The following KCTD8 variants were observed in gnomAD, a reference collection of about 807,000 sequenced individuals.
KCTD8 encodes the protein BTB/POZ domain-containing protein KCTD8.
Under a neutral mutation model 31.5 loss-of-function variants are expected in KCTD8, and 27 were observed. The ratio of observed to expected loss-of-function variants is 0.86; its 90% CI spans 0.63 to 1.18. KCTD8 has a LOEUF of 1.18. KCTD8 is among the 50% of genes most tolerant of loss of function. KCTD8 has a pLI of 0.00. For synonymous variants in KCTD8, 290 were observed against 280.0 expected (o/e 1.04, Z -0.36); for missense variants, 658 against 647.7 (o/e 1.02, Z -0.17).
Position 44,447,738 on chromosome 4 carries a change from C to T in KCTD8, c.786G>A (p.Pro262=), listed in dbSNP as rs1405428652. ...GGTAGAAGCGGGACGTGTACTTCTC[C>T]GGCTGCCGGTCGGGGTCGCGGCTCT... ...LNESRDPDRQ[P]EKYTSRFYLK... is the part of the protein sequence containing the mutation. Residue 262 remains proline, a synonymous_variant, in exon 1 of 2, where the codon CCG becomes CCA. Transcript: ENST00000360029. The T allele has an allele frequency of 2.5e-6, 4 of 1,611,606 alleles. No individual in the cohort carries two copies. The highest frequency in any genetic ancestry group is 1.3e-5 in the African/African-American group (1 of 74,886).
intron 1 of KCTD8, among the ~76,000 whole-genome samples, chr4:44,259,049 C>T (rs1051424858): frequency 1.3e-4 from 19 of 151,862 alleles, no homozygotes; most frequent in Non-Finnish European, 2.8e-4. Context: ...ATAATTTCCA[C>T]AATTAATTAA....
chr4:44,376,399 C>G (rs1032570146), intron 1 of KCTD8, among the ~76,000 whole-genome samples: 2 of 152,140 alleles, frequency 1.3e-5, no homozygotes, highest in African/African-American at 4.8e-5. Context: ...GGGCCACCAC[C>G]CCTACTTCAG....
intron 1 of KCTD8, among the ~76,000 whole-genome samples, chr4:44,200,014 G>C (rs552344804): frequency 1.3e-5 from 2 of 151,630 alleles, no homozygotes; most frequent in African/African-American, 4.8e-5. Flanking sequence ...TCCTGAAAGG[G>C]TACTGTAAAC....
chr4:44,232,621 A>ATTGT (rs1715155918), intron 1 of KCTD8, among the ~76,000 whole-genome samples: 1 of 152,208 alleles, frequency 6.6e-6, no homozygotes, highest in Admixed American at 6.5e-5. Context: ...TAGAAGAATC[A>ATTGT]ACTTTGCATT....
At chr4:44,309,979 C>T (rs1190303338) in intron 1 of KCTD8, among the ~76,000 whole-genome samples, 1 of 151,944 alleles carries the variant, frequency 6.6e-6, no homozygotes, top group African/African-American at 2.4e-5. Context: ...ATATCATTTT[C>T]AAATACCTAA....
chr4:44,388,912 ACATAT>A (rs200728415), intron 1 of KCTD8, among the ~76,000 whole-genome samples: 8,855 of 151,926 alleles, frequency 0.058, 853 homozygotes, highest in African/African-American at 0.2. Context: ...ATAATGTGGT[ACATAT>A]ATACAATGGA....
intron 1 of KCTD8, among the ~76,000 whole-genome samples, chr4:44,267,954 C>T (rs1041393375): frequency 7.2e-5 from 11 of 152,060 alleles, no homozygotes; most frequent in Admixed American, 1.3e-4. Flanking sequence ...AGCAGAATTC[C>T]ACCAGAGGTA....
intron 1 of KCTD8, among the ~76,000 whole-genome samples, chr4:44,256,052 C>CTTG (rs1196023469): frequency 6.6e-6 from 1 of 151,812 alleles, no homozygotes; most frequent in Non-Finnish European, 1.5e-5. Context: ...AGCAAAGGCG[C>CTTG]TTGTTACATG....
chr4:44,302,656 G>A (rs1324802632), intron 1 of KCTD8, among the ~76,000 whole-genome samples: 8 of 151,698 alleles, frequency 5.3e-5, no homozygotes, highest in East Asian at 1.9e-4. Context: ...CAATCATGTC[G>A]TCTGCAAACA....
intron 1 of KCTD8, among the ~76,000 whole-genome samples, chr4:44,372,464 G>A (rs767389413): frequency 9.9e-5 from 15 of 152,150 alleles, no homozygotes; most frequent in South Asian, 2.1e-4. Context: ...AAGGATCAAG[G>A]CAGCCTTATA....
chr4:44,444,335 C>A (rs1721887167), intron 1 of KCTD8, among the ~76,000 whole-genome samples: 1 of 152,152 alleles, frequency 6.6e-6, no homozygotes, highest in Non-Finnish European at 1.5e-5. Flanking sequence ...CCTTTGGTGA[C>A]TTGGCCTGAA....
At chr4:44,202,688 C>G (rs1714186323) in intron 1 of KCTD8, among the ~76,000 whole-genome samples, 1 of 152,098 alleles carries the variant, frequency 6.6e-6, no homozygotes, top group South Asian at 2.1e-4. Context: ...TGCTCACTAT[C>G]TGGGTGATAG....
At chr4:44,388,860 T>C (rs189369820) in intron 1 of KCTD8, among the ~76,000 whole-genome samples, 2 of 151,088 alleles carry the variant, frequency 1.3e-5, no homozygotes, top group African/African-American at 4.9e-5. Context: ...AAAATAAGAG[T>C]AAAAATAAAT....
intron 1 of KCTD8, among the ~76,000 whole-genome samples, chr4:44,215,061 C>T (rs369198296): frequency 8.1e-4 from 124 of 152,330 alleles, no homozygotes; most frequent in African/African-American, 2.8e-3. Flanking sequence ...GCAGCTTTGA[C>T]TCCCTATGAT....
At chr4:44,281,683 T>C (rs1292441955) in intron 1 of KCTD8, among the ~76,000 whole-genome samples, 2 of 152,094 alleles carry the variant, frequency 1.3e-5, no homozygotes, top group Non-Finnish European at 2.9e-5. Context: ...TAGAAATTAG[T>C]CTTGAAAATG....
intron 1 of KCTD8, among the ~76,000 whole-genome samples, chr4:44,323,510 A>C (rs7658608): frequency 0.3 from 5,434 of 17,942 alleles, 223 homozygotes; most frequent in Middle Eastern, 0.42. Context: ...ACCCCCCCCC[A>C]AAAAAAATTA....
At chr4:44,295,200 G>A (rs1717393023) in intron 1 of KCTD8, among the ~76,000 whole-genome samples, 1 of 152,192 alleles carries the variant, frequency 6.6e-6, no homozygotes, top group Non-Finnish European at 1.5e-5. Flanking sequence ...GGGGTCTGAG[G>A]TGGGAGGATT....
At chr4:44,383,764 G>C (rs1480908102) in intron 1 of KCTD8, among the ~76,000 whole-genome samples, 1 of 151,824 alleles carries the variant, frequency 6.6e-6, no homozygotes, top group Admixed American at 6.6e-5. Flanking sequence ...ACACTGGTCT[G>C]GGCAAAAATT....
intron 1 of KCTD8, among the ~76,000 whole-genome samples, chr4:44,319,713 A>G (rs1218590583): frequency 6.6e-6 from 1 of 152,140 alleles, no homozygotes; most frequent in Admixed American, 6.5e-5. Flanking sequence ...GAATGCCAAA[A>G]AGTAAAGAAT....
Sources: allele counts gnomAD v4.1 joint callset (sites outside exome capture counted in the v4.1 genomes callset), GRCh38; gene constraint gnomAD v4.1.1; transcripts MANE v1.5; gene names NCBI Gene and HGNC (gene_info 2026-07-23, HGNC 2026-07-21).